The following ANKRD22 variants were observed in gnomAD, a reference collection of about 807,000 sequenced individuals.
ANKRD22 encodes the protein ankyrin repeat domain 22, also known as ankyrin repeat domain-containing protein 22.
A neutral mutation model predicts 25.7 loss-of-function variants in ANKRD22; 24 were observed. That is an observed-to-expected ratio of 0.93 (90% CI 0.68 to 1.31). ANKRD22 has a LOEUF of 1.31. Ranked by LOEUF, ANKRD22 falls within the 50% of genes most tolerant of loss-of-function variation. ANKRD22 has a pLI of 0.00. For missense variants in ANKRD22, 214 were observed against 227.1 expected, an observed-to-expected ratio of 0.94 and a Z score of 0.37; for synonymous variants, 84 against 84.3, an observed-to-expected ratio of 1.00 and a Z score of 0.02.
chr10:88,823,827 C>CAAAAAAAAAAAAAAAAAAAAAAAAAAAAA (rs56194758), intron 4 of ANKRD22, among the ~76,000 whole-genome samples: 1 of 103,754 alleles, frequency 9.6e-6, no homozygotes, highest in African/African-American at 4.3e-5. Flanking sequence ...GACTCCGTCT[C>CAAAAAAAAAAAAAAAAAAAAAAAAAAAAA]AAAAAAAAAA....
chr10:88,842,244 G>A (rs2133079880), intron 1 of ANKRD22, among the ~76,000 whole-genome samples: 1 of 152,182 alleles, frequency 6.6e-6, no homozygotes, highest in Middle Eastern at 3.4e-3. Flanking sequence ...AAGCACCTTA[G>A]CAGCATCTCA....
In ANKRD22 at chr10:88,822,766, T is replaced by A; in HGVS notation, c.*175A>T. 1.6e-6 allele frequency: 1 copy of A among 619,254 alleles called. No individual in the cohort carries two copies. Among genetic ancestry groups the A allele is most frequent in the Non-Finnish European group, 2.8e-6 (1 of 351,216 alleles). The allele number at this position is 619,254 out of a possible 1,614,324, so 38.4% of individuals were successfully genotyped here. On this transcript the variant is annotated 3_prime_UTR_variant, in exon 6 of 6. Coordinates refer to ENST00000371930, the MANE Select transcript of ANKRD22 (RefSeq NM_144590.3). The stretch of plus-strand genomic sequence containing the variant: ...GGATTACGGCCATGGTGAACTTGAC[T>A]GAGTAAACAATGCTATAAATAAAAA...
At chr10:88,828,493 C>A in intron 3 of ANKRD22, 66 bp downstream of exon 3, 1 of 1,199,816 alleles carries the variant, frequency 8.3e-7, no homozygotes, top group East Asian at 2.4e-5. Flanking sequence ...ACTGGCCTGG[C>A]AAGAGTCAAT....
At position 88,831,874 on chromosome 10, in the gene ANKRD22, G is replaced by T. The variant is rs772258711; in HGVS notation, c.174C>A (p.Phe58Leu). The T allele has an allele frequency of 1.9e-6, 3 of 1,612,092 alleles. No homozygotes were observed. The highest frequency in any genetic ancestry group is 2.5e-6 in the Non-Finnish European group (3 of 1,179,406). Reference sequence around the variant, plus strand: ...TGACATTAGCATTTCTTCTTAAAAGGAAGGAAACGATTCTCACATGCCCTC... The same window carrying T: ...TGACATTAGCATTTCTTCTTAAAAGTAAGGAAACGATTCTCACATGCCCTC... ...CRRGHVRIVSFLLRRNANVNL... is the reference protein window; with the variant it reads ...CRRGHVRIVSLLLRRNANVNL... Residue 58 changes from phenylalanine to leucine, a missense_variant, in exon 2 of 6, where the codon TTC (phenylalanine) becomes TTA (leucine). Physicochemically the swap from Phe to Leu is conservative, Grantham distance 22 (BLOSUM62 0). Coordinates refer to ENST00000371930, the MANE Select transcript of ANKRD22 (RefSeq NM_144590.3).
intron 1 of ANKRD22, among the ~76,000 whole-genome samples, chr10:88,837,581 A>G (rs1843965459): frequency 6.6e-6 from 1 of 152,232 alleles, no homozygotes; most frequent in African/African-American, 2.4e-5. Context: ...TTTGCCAGAA[A>G]GTCAGAGGTT....
At chr10:88,845,488 G>C (rs4498883) in intron 1 of ANKRD22, among the ~76,000 whole-genome samples, 48,878 of 151,904 alleles carry the variant, frequency 0.32, 9,162 homozygotes, top group East Asian at 0.63. Context: ...GATGTCTCAT[G>C]GATATCGCTA....
Position 88,828,585 on chromosome 10 carries a change from C to A in ANKRD22, c.295G>T (p.Val99Phe), listed in dbSNP as rs1324689368. ...DYLLIILLMP[V>F]LLIGYFLMVS... ...ATGAGGAAATACCCAATAAGCAGAACAGGCATTAAGAGGATAATTAGTAGA... is the reference window on the plus strand; with the variant it reads ...ATGAGGAAATACCCAATAAGCAGAAAAGGCATTAAGAGGATAATTAGTAGA... The change falls in exon 3 of 6, where the codon GTT becomes TTT. Residue 99 changes from valine to phenylalanine, a missense_variant. By Grantham distance (50) the Val-to-Phe change is conservative (BLOSUM62 -1). Transcript: ENST00000371930. The A allele has an allele frequency of 6.2e-7, 1 of 1,609,426 alleles. No homozygotes were observed. Among genetic ancestry groups the A allele is most frequent in the South Asian group, 1.1e-5 (1 of 90,646 alleles).
intron 1 of ANKRD22, among the ~76,000 whole-genome samples, chr10:88,837,022 C>T (rs1364204988): frequency 6.6e-6 from 1 of 152,130 alleles, no homozygotes; most frequent in Admixed American, 6.5e-5. Context: ...GTCAGTTTGG[C>T]AGTGAAAAAG....
chr10:88,828,770 T>C, intron 2 of ANKRD22, 104 bp from the exon 3 acceptor site: 1 of 729,348 alleles, frequency 1.4e-6, no homozygotes. Flanking sequence ...GTTTTTCCGG[T>C]ACCCATGGCA....
At chr10:88,842,607 G>T (rs1032246865) in intron 1 of ANKRD22, among the ~76,000 whole-genome samples, 9 of 152,130 alleles carry the variant, frequency 5.9e-5, no homozygotes, top group African/African-American at 2.2e-4. Flanking sequence ...CTCACAAGAG[G>T]TACATAATAG....
At chr10:88,836,977 G>C (rs1488145406) in intron 1 of ANKRD22, among the ~76,000 whole-genome samples, 1 of 152,192 alleles carries the variant, frequency 6.6e-6, no homozygotes, top group Non-Finnish European at 1.5e-5. Context: ...CATTGTCTAT[G>C]AAGAATTAGA....
At chr10:88,849,041 T>A (rs1003025288) in intron 1 of ANKRD22, among the ~76,000 whole-genome samples, 1 of 151,042 alleles carries the variant, frequency 6.6e-6, no homozygotes, top group Non-Finnish European at 1.5e-5. Context: ...TGTGTGTGCA[T>A]CCTTTTACTT....
intron 3 of ANKRD22, 142 bp downstream of exon 3, chr10:88,828,417 T>C (rs1843874673): frequency 7.2e-6 from 5 of 694,314 alleles, no homozygotes; most frequent in African/African-American, 1.8e-5. Flanking sequence ...TGGATGTATG[T>C]TGAACATGTC....
chr10:88,830,931 C>T (rs1380659956), intron 2 of ANKRD22, among the ~76,000 whole-genome samples: 2 of 152,208 alleles, frequency 1.3e-5, no homozygotes, highest in African/African-American at 2.4e-5. Context: ...TCAGCACAGG[C>T]ATGACTTGCT....
intron 1 of ANKRD22, among the ~76,000 whole-genome samples, chr10:88,834,089 G>A (rs1843930782): frequency 6.6e-6 from 1 of 152,220 alleles, no homozygotes; most frequent in South Asian, 2.1e-4. Context: ...CACTGCTGGA[G>A]TCCAGGGTTA....
Position 88,828,668 on chromosome 10 carries a change from T to TA in ANKRD22, c.214-3dup. On this transcript the variant is annotated splice_region_variant and splice_polypyrimidine_tract_variant and intron_variant, in intron 2 of 5. Coordinates refer to ENST00000371930, the MANE Select transcript of ANKRD22 (RefSeq NM_144590.3). ...ATAATGCAAGCAGGTTCTCTCTTTCTAAAAATTAAGAAAAGGATTCTTTAC... is the reference window on the plus strand; with the variant it reads ...ATAATGCAAGCAGGTTCTCTCTTTCTAAAAAATTAAGAAAAGGATTCTTTAC... 6.4e-7 allele frequency: 1 copy of TA among 1,567,520 alleles called. No homozygotes were observed. Among genetic ancestry groups the TA allele is most frequent in the Non-Finnish European group, 8.7e-7 (1 of 1,153,280 alleles).
rs1467959893 is a variant in ANKRD22 at position 88,831,955 on chromosome 10, A to G, written c.93T>C (p.Tyr31=). 3.7e-6 allele frequency: 6 copies of G among 1,613,876 alleles called. No individual in the cohort carries two copies. Among genetic ancestry groups the G allele is most frequent in the African/African-American group, 2.7e-5 (2 of 74,910 alleles). Residue 31 remains tyrosine (Y), a synonymous_variant, in exon 2 of 6, where the codon TAT becomes TAC. Coordinates refer to ENST00000371930, the MANE Select transcript of ANKRD22 (RefSeq NM_144590.3). ...VWRWVKEDSS[Y]ANVQDGFNGD... ...CATTAAAGCCATCTTGAACGTTGGC[A>G]TAGCTGCTGTCTTCTTTCACCCACC... is the stretch of plus-strand genomic sequence containing the variant.
chr10:88,828,776 T>G (rs1487072076), intron 2 of ANKRD22, 110 bp from the exon 3 acceptor site: 2 of 743,502 alleles, frequency 2.7e-6, no homozygotes, highest in Non-Finnish European at 2.2e-6. Flanking sequence ...CCGGTACCCA[T>G]GGCATCTTTT....
At chr10:88,832,838 G>A (rs953014660) in intron 1 of ANKRD22, among the ~76,000 whole-genome samples, 2 of 152,058 alleles carry the variant, frequency 1.3e-5, no homozygotes, top group Non-Finnish European at 2.9e-5. Flanking sequence ...AGCCTTTCTC[G>A]ACTTCTGTTC....
Sources: allele counts gnomAD v4.1 joint callset (sites outside exome capture counted in the v4.1 genomes callset), GRCh38; gene constraint gnomAD v4.1.1; transcripts MANE v1.5; gene names NCBI Gene and HGNC (gene_info 2026-07-23, HGNC 2026-07-21).